ANKRD13C: variants seen among roughly 807,000 people sequenced by gnomAD.
ANKRD13C encodes ankyrin repeat domain-containing protein 13C.
Under a neutral mutation model 65.5 loss-of-function variants are expected in ANKRD13C, and 16 were observed. The ratio of observed to expected loss-of-function variants is 0.24; its 90% CI spans 0.17 to 0.37. The LOEUF (loss-of-function observed/expected upper bound fraction) is 0.37, where lower values mean the gene tolerates loss of function less well. Among genes scored for constraint, ANKRD13C ranks in the 10% least tolerant of loss-of-function variants. ANKRD13C has a pLI of 1.00. For missense variants in ANKRD13C, 503 were observed against 655.9 expected, an observed-to-expected ratio of 0.77 and a Z score of 2.55; for synonymous variants, 235 against 238.7, an observed-to-expected ratio of 0.98 and a Z score of 0.14.
intron 12 of ANKRD13C, among the ~76,000 whole-genome samples, chr1:70,265,582 G>A (rs1055057908): frequency 5.9e-5 from 9 of 151,982 alleles, no homozygotes; most frequent in African/African-American, 2.2e-4. Context: ...AGTACTTTGG[G>A]AGGCCAAGGT....
At position 70,354,334 on chromosome 1, in the gene ANKRD13C, G is replaced by A. The variant is rs1176597360; in HGVS notation, c.75C>T (p.Pro25=). 1 of 1,614,028 alleles carries A rather than the reference G, an allele frequency of 6.2e-7. No homozygotes were observed. Among genetic ancestry groups the A allele is most frequent in the South Asian group, 1.1e-5 (1 of 91,078 alleles). Residue 25 remains proline (P), a synonymous_variant, in exon 1 of 13, where the codon CCC becomes CCT. Coordinates refer to ENST00000370944, the MANE Select transcript of ANKRD13C (RefSeq NM_030816.5). ...GGGCAGCCGCCGCTTCCTCATCCCC[G>A]GGCTCCAGCAGGTCCCCTTCTTCTT... ...PSKEEGDLLE[P]GDEEAAAALG...
At chr1:70,275,639 T>C (rs1330520054) in intron 10 of ANKRD13C, among the ~76,000 whole-genome samples, 1 of 152,030 alleles carries the variant, frequency 6.6e-6, no homozygotes, top group Non-Finnish European at 1.5e-5. Context: ...TCTAATACAA[T>C]AATACCCTCA....
chr1:70,350,569 C>G (rs1682703595), intron 1 of ANKRD13C, among the ~76,000 whole-genome samples: 2 of 152,164 alleles, frequency 1.3e-5, no homozygotes, highest in African/African-American at 4.8e-5. Context: ...ACAGAAAAAC[C>G]TGAGCTGTCC....
At chr1:70,350,591 CTCTT>C (rs1682704780) in intron 1 of ANKRD13C, among the ~76,000 whole-genome samples, 1 of 152,150 alleles carries the variant, frequency 6.6e-6, no homozygotes, top group Non-Finnish European at 1.5e-5. Flanking sequence ...ATGGTAGAAT[CTCTT>C]TACAAGACTC....
At chr1:70,316,829 G>A (rs1681092285) in intron 3 of ANKRD13C, among the ~76,000 whole-genome samples, 1 of 151,942 alleles carries the variant, frequency 6.6e-6, no homozygotes, top group South Asian at 2.1e-4. Flanking sequence ...TAAGAACATG[G>A]AAAAATGTGC....
intron 3 of ANKRD13C, among the ~76,000 whole-genome samples, chr1:70,322,898 AG>A (rs1442764147): frequency 2.0e-5 from 3 of 152,146 alleles, no homozygotes; most frequent in Non-Finnish European, 4.4e-5. Context: ...AGGCTGGGGC[AG>A]GAGAATTGCT....
intron 9 of ANKRD13C, among the ~76,000 whole-genome samples, chr1:70,288,545 TA>T (rs1235949082): frequency 6.6e-6 from 1 of 152,194 alleles, no homozygotes; most frequent in Non-Finnish European, 1.5e-5. Flanking sequence ...CATGAAATAC[TA>T]CTCAACAAAA....
At chr1:70,280,185 TTATAATTGAGGGTGACAGGGGCTATGA>T (rs1218805622) in intron 9 of ANKRD13C, among the ~76,000 whole-genome samples, 1 of 152,052 alleles carries the variant, frequency 6.6e-6, no homozygotes, top group African/African-American at 2.4e-5. Context: ...AAGTAAATAC[TTATAATTGAGGGTGACAGGGGCTATGA>T]TATAATTGAG....
chr1:70,279,146 G>A lies in ANKRD13C; in HGVS notation c.1216-2302C>T, dbSNP rs569596226. 1.8e-4 allele frequency among the ~76,000 whole-genome samples: 28 copies of A among 152,110 alleles called. 1 individual carries two copies. The South Asian group carries it at 5.6e-3, about 30-fold the overall frequency. ...TCCTTGAGCCCAGGACATGGAGGCT[G>A]CAGTGAGCCGAGATCATGCCACTGC... is the stretch of plus-strand genomic sequence containing the variant. On this transcript the variant is annotated intron_variant, in intron 9 of 12. Coordinates refer to ENST00000370944, the MANE Select transcript of ANKRD13C (RefSeq NM_030816.5).
chr1:70,332,195 C>T (rs1340337129), intron 2 of ANKRD13C, among the ~76,000 whole-genome samples: 1 of 152,166 alleles, frequency 6.6e-6, no homozygotes, highest in African/African-American at 2.4e-5. Context: ...TAAAAAAGAG[C>T]AAACATCAAA....
chr1:70,326,264 AG>A (rs1558303032), intron 2 of ANKRD13C, among the ~76,000 whole-genome samples: 22 of 132,398 alleles, frequency 1.7e-4, no homozygotes, highest in South Asian at 2.5e-4. Flanking sequence ...AAAAAAAAAA[AG>A]ACAGCCATCC....
At position 70,259,335 on chromosome 1, in the gene ANKRD13C, A is replaced by G. The variant is rs1367563070; in HGVS notation, c.*3382T>C. 3.3e-5 allele frequency among the ~76,000 whole-genome samples: 5 copies of G among 152,198 alleles called. No homozygotes were observed. The highest frequency in any genetic ancestry group is 7.3e-5 in the Non-Finnish European group (5 of 68,030). ...TGAAAACCAAGAATGATTAACAAGC[A>G]CCTTTCTTAGAAGTTCTTAAGATTT... On this transcript the variant is annotated 3_prime_UTR_variant, in exon 13 of 13. Coordinates refer to ENST00000370944, the MANE Select transcript of ANKRD13C (RefSeq NM_030816.5).
chr1:70,296,310 T>C, intron 7 of ANKRD13C, 49 bp from the exon 8 acceptor site: 1 of 1,562,704 alleles, frequency 6.4e-7, no homozygotes, highest in South Asian at 1.2e-5. Flanking sequence ...TTTTCAAAAG[T>C]TCTTAGTACT....
At chr1:70,325,776 G>A (rs1011294193) in intron 2 of ANKRD13C, among the ~76,000 whole-genome samples, 2 of 152,152 alleles carry the variant, frequency 1.3e-5, no homozygotes, top group Non-Finnish European at 2.9e-5. Flanking sequence ...CTAAATGGGA[G>A]GCTGAGGCAG....
chr1:70,315,063 AC>A (rs1450023402), intron 4 of ANKRD13C, among the ~76,000 whole-genome samples: 1 of 152,110 alleles, frequency 6.6e-6, no homozygotes, highest in Non-Finnish European at 1.5e-5. Context: ...ATATGGTGAA[AC>A]CCCATCTCTA....
At chr1:70,313,615 G>A in intron 5 of ANKRD13C, 130 bp downstream of exon 5, 1 of 644,338 alleles carries the variant, frequency 1.6e-6, no homozygotes, top group South Asian at 2.2e-5. Flanking sequence ...TACAGTCAAT[G>A]TCATGAAAAA....
chr1:70,283,046 A>G (rs957713357), intron 9 of ANKRD13C, among the ~76,000 whole-genome samples: 5 of 152,326 alleles, frequency 3.3e-5, no homozygotes, highest in African/African-American at 1.2e-4. Context: ...ACTGTAATCA[A>G]TGTAATTTAA....
Position 70,354,012 on chromosome 1 carries a change from G to A in ANKRD13C, c.397C>T (p.Arg133Cys), listed in dbSNP as rs1682874881. Reference sequence around the variant, plus strand: ...TCTTTCTGCCCGATATTGTGCGTGCGGATGAGAGAGGAGAGTCTCCTCACA... The same window carrying A: ...TCTTTCTGCCCGATATTGTGCGTGCAGATGAGAGAGGAGAGTCTCCTCACA... ...GDVRRLSSLI[R>C]THNIGQKDNH... Residue 133 changes from arginine (R) to cysteine (C), a missense_variant, in exon 1 of 13, where the codon CGC (arginine) becomes TGC (cysteine). Around this residue, in one of 2 missense-constraint regions of ANKRD13C, gnomAD observed 203 missense variants for 177.6 expected, o/e 1.14. Transcript: ENST00000370944. The A allele has an allele frequency of 1.3e-6, 2 of 1,545,940 alleles. No homozygotes were observed. Among genetic ancestry groups the A allele is most frequent in the Admixed American group, 3.9e-5 (2 of 50,784 alleles).
chr1:70,352,868 T>G (rs1248756358), intron 1 of ANKRD13C, among the ~76,000 whole-genome samples: 1 of 152,230 alleles, frequency 6.6e-6, no homozygotes, highest in Non-Finnish European at 1.5e-5. Context: ...CATTGTAAAT[T>G]CTGAAAACAA....
Sources: allele counts gnomAD v4.1 joint callset (sites outside exome capture counted in the v4.1 genomes callset), GRCh38; gene constraint gnomAD v4.1.1; regional missense constraint gnomAD v4.1.1; transcripts MANE v1.5; gene names NCBI Gene and HGNC (gene_info 2026-07-23, HGNC 2026-07-21).